The following COL5A1 variants were observed in gnomAD, a reference collection of about 807,000 sequenced individuals.
COL5A1 encodes the protein collagen type V alpha 1 chain.
COL5A1 carries 16 observed loss-of-function variants against 263.7 expected under a neutral mutation model. That is an observed-to-expected ratio of 0.06 (90% CI 0.04 to 0.09). The LOEUF (loss-of-function observed/expected upper bound fraction) is 0.09, where lower values mean the gene tolerates loss of function less well. Among genes scored for constraint, COL5A1 ranks in the 10% least tolerant of loss-of-function variants. The pLI is 1.00. For synonymous variants in COL5A1, 1,012 were observed against 1,004.5 expected, an observed-to-expected ratio of 1.01 and a Z score of -0.14; for missense variants, 2,036 against 2,540.5, an observed-to-expected ratio of 0.80 and a Z score of 4.27.
Position 134,754,570 on chromosome 9 carries a change from A to G in COL5A1, c.1827+244A>G, listed in dbSNP as rs1383142399. Among the ~76,000 whole-genome samples, 6 of 152,230 alleles carry G rather than the reference A, an allele frequency of 3.9e-5. No individual in the cohort carries two copies. The East Asian group carries it at 1.2e-3, about 29-fold the overall frequency. On this transcript the variant is annotated intron_variant, in intron 16 of 65. Transcript: ENST00000371817. The surrounding 1 kb of genome is among the most constrained non-coding windows in gnomAD (Gnocchi z 4.3). ...TCCCTGGGCACATTCATTTAGTTTA[A>G]TAAACCTTTCTAATTCAAGAAACTT...
intron 57 of COL5A1, among the ~76,000 whole-genome samples, chr9:134,819,830 G>C (rs1189499869): frequency 6.6e-6 from 1 of 152,254 alleles, no homozygotes; most frequent in African/African-American, 2.4e-5. Context: ...GAGAAAGACA[G>C]AGATAAACAT....
rs76566030 is a variant in COL5A1, at chr9:134,758,615, G to A, written c.1935+319G>A. ...TCCTTTTAGAGATCTGTTTAATGGAGTCCTTTAACATTTCAGGAAATCCAA... is the reference window on the plus strand; with the variant it reads ...TCCTTTTAGAGATCTGTTTAATGGAATCCTTTAACATTTCAGGAAATCCAA... On this transcript the variant is annotated intron_variant, in intron 18 of 65. Transcript: ENST00000371817. This position sits in a 1 kb window ranked among gnomAD's most constrained non-coding sequence, Gnocchi z 4.1. Among the ~76,000 whole-genome samples the A allele has an allele frequency of 0.032, 4,926 of 152,196 alleles. 255 individuals are homozygous for A. The highest frequency in any genetic ancestry group is 0.1 in the African/African-American group (4,207 of 41,480).
chr9:134,822,419 G>A (rs1401017364), intron 59 of COL5A1, among the ~76,000 whole-genome samples: 1 of 152,198 alleles, frequency 6.6e-6, no homozygotes, highest in Non-Finnish European at 1.5e-5. Flanking sequence ...CTTGTCTGTA[G>A]GCATCTGGGG....
intron 20 of COL5A1, 124 bp downstream of exon 20, chr9:134,763,861 A>G (rs1836556496): frequency 3.1e-6 from 3 of 968,464 alleles, no homozygotes; most frequent in South Asian, 3.1e-5. Context: ...TCGACCTGAG[A>G]ACAGACGGAC....
chr9:134,823,130 A>G (rs1394091987), intron 60 of COL5A1, 97 bp downstream of exon 60: 1 of 1,393,128 alleles, frequency 7.2e-7, no homozygotes, highest in Admixed American at 1.8e-5. Flanking sequence ...CAACCGTCCT[A>G]GCTCAGGCCC....
chr9:134,783,052 CAA>C lies in COL5A1; in HGVS notation c.2484+333_2484+334del, dbSNP rs947099264. Among the ~76,000 whole-genome samples, 5 of 152,336 alleles carry C rather than the reference CAA, an allele frequency of 3.3e-5. 1 individual carries two copies. In the South Asian group the frequency reaches 8.3e-4, roughly 25 times the overall value. On this transcript the variant is annotated intron_variant, in intron 29 of 65. Coordinates refer to ENST00000371817, the MANE Select transcript of COL5A1 (RefSeq NM_000093.5). ...GGACTGCAGAGTTACTCACCTGACT[CAA>C]GAGGGATAAGCGGTGCCTGGGAAGA...
At chr9:134,689,952 T>C (rs1833216676) in intron 1 of COL5A1, among the ~76,000 whole-genome samples, 1 of 152,184 alleles carries the variant, frequency 6.6e-6, no homozygotes, top group Non-Finnish European at 1.5e-5. Context: ...AAACTGACCT[T>C]GTTCAGGGCA....
At chr9:134,829,080 T>C (rs1376554717) in intron 63 of COL5A1, among the ~76,000 whole-genome samples, 1 of 152,210 alleles carries the variant, frequency 6.6e-6, no homozygotes, top group Non-Finnish European at 1.5e-5. Flanking sequence ...ACCCCTCGCC[T>C]GCAGTAAATG....
chr9:134,744,716 C>T (rs889953999), intron 11 of COL5A1, among the ~76,000 whole-genome samples: 11 of 151,350 alleles, frequency 7.3e-5, no homozygotes, highest in South Asian at 6.2e-4. Flanking sequence ...TGCTCTCACA[C>T]AGTTACACAC....
intron 20 of COL5A1, among the ~76,000 whole-genome samples, chr9:134,764,543 A>C (rs2132723564): frequency 6.6e-6 from 1 of 152,240 alleles, no homozygotes; most frequent in East Asian, 1.9e-4. Context: ...CTAAGCAGAC[A>C]TATATTTAGG....
chr9:134,737,779 AGCCAGGAG>A (rs1420551492), intron 9 of COL5A1, among the ~76,000 whole-genome samples: 1 of 152,094 alleles, frequency 6.6e-6, no homozygotes, highest in African/African-American at 2.4e-5. Flanking sequence ...CTGACCCAAG[AGCCAGGAG>A]GCCCTGTCCC....
chr9:134,842,399 A>G lies in COL5A1; in HGVS notation c.*96A>G. ...TGCACGTCCTGACCCTGGACAGTGA[A>G]GGCTTCTCCCTCCCCTCCCACCTGA... On this transcript the variant is annotated 3_prime_UTR_variant, in exon 66 of 66. Transcript: ENST00000371817. The surrounding 1 kb of genome is among the most constrained non-coding windows in gnomAD (Gnocchi z 5.8). 1 of 1,449,438 alleles carries G rather than the reference A, an allele frequency of 6.9e-7. No individual in the cohort carries two copies. The highest frequency in any genetic ancestry group is 9.5e-7 in the Non-Finnish European group (1 of 1,054,246). The allele number at this position is 1,449,438 out of a possible 1,614,324, so 89.8% of individuals were successfully genotyped here. A position where few individuals can be genotyped will look rare whatever the true frequency, so the allele number is the denominator to read the frequency against.
In COL5A1 at chr9:134,739,588, G is replaced by A. The variant is rs10114984; in HGVS notation, c.1494+780G>A. On this transcript the variant is annotated intron_variant, in intron 11 of 65. Coordinates refer to ENST00000371817, the MANE Select transcript of COL5A1 (RefSeq NM_000093.5). ...GTCTGGTCGTGTGAGAAGGTGGTTC[G>A]TGATGTCAGAGCGCAGTGGCTAGGG... 6.7e-3 allele frequency among the ~76,000 whole-genome samples: 1,016 copies of A among 152,316 alleles called. 13 individuals are homozygous for A. Among genetic ancestry groups the A allele is most frequent in the African/African-American group, 0.024 (978 of 41,574 alleles).
chr9:134,801,849 C>G (rs1419001379), intron 37 of COL5A1, 105 bp from the exon 38 acceptor site: 4 of 1,022,392 alleles, frequency 3.9e-6, no homozygotes, highest in Non-Finnish European at 4.7e-6. Context: ...AACATCTACT[C>G]TGGGGGGAAG....
chr9:134,695,974 T>C (rs1450420703), intron 2 of COL5A1, among the ~76,000 whole-genome samples: 1 of 152,112 alleles, frequency 6.6e-6, no homozygotes, highest in Admixed American at 6.5e-5. Context: ...TCGGTGCCCC[T>C]GGATCCTGGG....
intron 11 of COL5A1, 127 bp downstream of exon 11, chr9:134,738,935 C>T: frequency 2.6e-6 from 2 of 779,798 alleles, no homozygotes; most frequent in Non-Finnish European, 2.3e-6. Flanking sequence ...TTCAAATCCC[C>T]CCTCACCCAG....
At chr9:134,712,008 CCTGT>C (rs1834061028) in intron 4 of COL5A1, among the ~76,000 whole-genome samples, 1 of 125,872 alleles carries the variant, frequency 7.9e-6, no homozygotes, top group African/African-American at 3.0e-5. Context: ...CCCCCTCCTT[CCTGT>C]CCCCCTCCTT....
chr9:134,733,735 C>T (rs1473562813), intron 9 of COL5A1, among the ~76,000 whole-genome samples: 2 of 152,246 alleles, frequency 1.3e-5, no homozygotes, highest in African/African-American at 4.8e-5. Flanking sequence ...GCCTGTTCTG[C>T]TCTGCCCAAG....
chr9:134,652,945 G>A lies in COL5A1; in HGVS notation c.109+10649G>A, dbSNP rs561187989. The A allele has an allele frequency of 3.2e-6, 1 of 315,044 alleles. No homozygotes were observed. Among genetic ancestry groups the A allele is most frequent in the Non-Finnish European group, 6.4e-6 (1 of 156,082 alleles). The allele number at this position is 315,044 out of a possible 1,614,324, so 19.5% of individuals were successfully genotyped here. ...AGACCACGCGGATGCTGGAGCGTCT[G>A]GGGGTGCCACACTTTGCAAACCACG... On this transcript the variant is annotated intron_variant, in intron 1 of 65. Coordinates refer to ENST00000371817, the MANE Select transcript of COL5A1 (RefSeq NM_000093.5). This position sits in a 1 kb window ranked among gnomAD's most constrained non-coding sequence, Gnocchi z 4.4.
Sources: gnomAD v4.1 joint callset for allele counts (sites outside exome capture counted in the v4.1 genomes callset) on GRCh38, gnomAD v4.1.1 for gene constraint, Gnocchi (gnomAD v3.1) non-coding constraint, MANE v1.5 for transcripts, NCBI Gene and HGNC (gene_info 2026-07-23, HGNC 2026-07-21) for gene names.